XKR6: variants seen among roughly 807,000 people sequenced by gnomAD.
XKR6 encodes the protein XK-related protein 6.
In XKR6, 22 loss-of-function variants were observed where a neutral mutation model predicts 56.7. The ratio of observed to expected loss-of-function variants is 0.39; its 90% confidence interval spans 0.28 to 0.55. XKR6 has a LOEUF of 0.55. XKR6 is among the 20% of genes least tolerant of loss of function. The pLI is 0.66. For missense variants in XKR6, 852 were observed against 889.0 expected, an observed-to-expected ratio of 0.96 and a Z score of 0.53; for synonymous variants, 524 against 387.8, an observed-to-expected ratio of 1.35 and a Z score of -4.13.
intron 1 of XKR6, among the ~76,000 whole-genome samples, chr8:10,961,357 G>T (rs981324635): frequency 1.3e-5 from 2 of 152,168 alleles, no homozygotes; most frequent in African/African-American, 4.8e-5. Context: ...GAGTGACAGT[G>T]GGAGCTGTGA....
At chr8:11,002,157 A>T (rs1004121026) in intron 1 of XKR6, among the ~76,000 whole-genome samples, 4 of 151,542 alleles carry the variant, frequency 2.6e-5, no homozygotes, top group African/African-American at 9.7e-5. Context: ...TGTCAAAGGC[A>T]TCACCCTGCT....
chr8:10,976,199 C>A (rs548978498), intron 1 of XKR6, among the ~76,000 whole-genome samples: 7 of 152,094 alleles, frequency 4.6e-5, no homozygotes, highest in South Asian at 4.2e-4. Flanking sequence ...AGTGCCCCCC[C>A]CCAACCTCGC....
At chr8:11,145,866 T>G (rs1384158231) in intron 1 of XKR6, among the ~76,000 whole-genome samples, 1 of 151,994 alleles carries the variant, frequency 6.6e-6, no homozygotes, top group Non-Finnish European at 1.5e-5. Context: ...CAGATAAAAA[T>G]GCAAACGACC....
intron 1 of XKR6, among the ~76,000 whole-genome samples, chr8:11,159,201 C>A (rs1360950032): frequency 6.6e-6 from 1 of 152,180 alleles, no homozygotes; most frequent in Non-Finnish European, 1.5e-5. Context: ...GAGGGGTACC[C>A]AATTCTTTGG....
intron 1 of XKR6, among the ~76,000 whole-genome samples, chr8:11,157,134 A>C (rs1036673535): frequency 5.3e-5 from 8 of 152,198 alleles, no homozygotes; most frequent in African/African-American, 1.9e-4. Context: ...AACATCCTAC[A>C]AAATGCCTGA....
At chr8:11,024,204 G>C (rs1335193103) in intron 1 of XKR6, among the ~76,000 whole-genome samples, 1 of 136,810 alleles carries the variant, frequency 7.3e-6, no homozygotes, top group African/African-American at 2.7e-5. Flanking sequence ...CCTGTTAGGA[G>C]GTGTGTGTGT....
At chr8:11,117,162 A>G (rs1356742278) in intron 1 of XKR6, among the ~76,000 whole-genome samples, 1 of 152,210 alleles carries the variant, frequency 6.6e-6, no homozygotes, top group Admixed American at 6.5e-5. Flanking sequence ...CTGTTTCCTT[A>G]GTTTAGACTG....
chr8:11,101,141 C>T (rs1005588936), intron 1 of XKR6, among the ~76,000 whole-genome samples: 1 of 152,218 alleles, frequency 6.6e-6, no homozygotes, highest in Non-Finnish European at 1.5e-5. Flanking sequence ...ACCTCAGCTA[C>T]AGACATCCCA....
At position 11,201,234 on chromosome 8, in the gene XKR6, C is replaced by G; in HGVS notation, c.106G>C (p.Gly36Arg). 1 of 1,553,186 alleles carries G rather than the reference C, an allele frequency of 6.4e-7. No homozygotes were observed. Among genetic ancestry groups the G allele is most frequent in the Non-Finnish European group, 8.6e-7 (1 of 1,158,412 alleles). ...TCGCCGCCGCCGCCGCAGCCGCCTCCCCCGGGCTCCCCGTCCTCCTCGCCG... is the reference window on the plus strand; with the variant it reads ...TCGCCGCCGCCGCCGCAGCCGCCTCGCCCGGGCTCCCCGTCCTCCTCGCCG... ...SGGEEDGEPGGGGCGGGGDGS... is the reference protein window; with the variant it reads ...SGGEEDGEPGRGGCGGGGDGS... The change falls in exon 1 of 3, where the codon GGA (glycine) becomes CGA (arginine). Residue 36 changes from glycine to arginine, a missense_variant. Gly to Arg is a moderately radical substitution (Grantham distance 125, BLOSUM62 -2). Transcript: ENST00000416569.
chr8:10,955,422 C>A (rs1801854789), intron 1 of XKR6, among the ~76,000 whole-genome samples: 1 of 152,058 alleles, frequency 6.6e-6, no homozygotes, highest in African/African-American at 2.4e-5. Context: ...CTCTTGTGAT[C>A]CCCCCATGTA....
At chr8:10,910,036 C>G (rs1204143862) in intron 2 of XKR6, among the ~76,000 whole-genome samples, 1 of 152,010 alleles carries the variant, frequency 6.6e-6, no homozygotes, top group Non-Finnish European at 1.5e-5. Flanking sequence ...ATTTAACTAA[C>G]AGCAATGCAA....
rs186201967 is a variant in XKR6 at position 11,115,383 on chromosome 8, T to A, written c.764+85193A>T. 2.6e-5 allele frequency among the ~76,000 whole-genome samples: 4 copies of A among 152,354 alleles called. No homozygotes were observed. The East Asian group carries it at 7.7e-4, about 29-fold the overall frequency. ...AACCATTTATTTTAAGAGTAATTCA[T>A]TCAACTGAAGCCATAATTTAAAATT... On this transcript the variant is annotated intron_variant, in intron 1 of 2. Coordinates refer to ENST00000416569, the MANE Select transcript of XKR6 (RefSeq NM_173683.4).
At chr8:10,993,741 G>C (rs1448894822) in intron 1 of XKR6, among the ~76,000 whole-genome samples, 2 of 152,136 alleles carry the variant, frequency 1.3e-5, no homozygotes, top group Non-Finnish European at 2.9e-5. Flanking sequence ...ACCCACTCAT[G>C]CCACTCCTGC....
intron 2 of XKR6, among the ~76,000 whole-genome samples, chr8:10,907,814 G>A (rs905519178): frequency 1.3e-4 from 20 of 152,172 alleles, no homozygotes; most frequent in Non-Finnish European, 2.1e-4. Context: ...CTACACAGCC[G>A]AGGACCCACC....
intron 1 of XKR6, among the ~76,000 whole-genome samples, chr8:11,158,736 T>C (rs909936077): frequency 1.3e-5 from 2 of 152,216 alleles, no homozygotes; most frequent in Non-Finnish European, 2.9e-5. Context: ...GGCAGGCTTC[T>C]AAATGCAAAG....
At position 10,928,011 on chromosome 8, in the gene XKR6, A is replaced by G. The variant is rs114613408; in HGVS notation, c.765-3181T>C. ...TCAATGCAAATGCTCATCCTTTCCAACTGCTCCCGGCTCGGTCCCTCCTCT... is the reference window on the plus strand; with the variant it reads ...TCAATGCAAATGCTCATCCTTTCCAGCTGCTCCCGGCTCGGTCCCTCCTCT... On this transcript the variant is annotated intron_variant, in intron 1 of 2. Transcript: ENST00000416569. Among the ~76,000 whole-genome samples the G allele has an allele frequency of 6.4e-3, 968 of 152,130 alleles. 13 individuals are homozygous for G. The highest frequency in any genetic ancestry group is 0.022 in the African/African-American group (929 of 41,482).
At chr8:11,147,520 G>C (rs1158332911) in intron 1 of XKR6, among the ~76,000 whole-genome samples, 1 of 152,026 alleles carries the variant, frequency 6.6e-6, no homozygotes, top group African/African-American at 2.4e-5. Flanking sequence ...GCTGGGTGTG[G>C]TGGCACGTGC....
At chr8:11,157,657 A>G (rs1000920508) in intron 1 of XKR6, among the ~76,000 whole-genome samples, 13 of 152,240 alleles carry the variant, frequency 8.5e-5, no homozygotes, top group African/African-American at 3.1e-4. Context: ...CTAGGGCTAT[A>G]GGTGCATGCC....
At chr8:11,069,533 G>C (rs1460597754) in intron 1 of XKR6, among the ~76,000 whole-genome samples, 4 of 152,136 alleles carry the variant, frequency 2.6e-5, no homozygotes, top group East Asian at 1.9e-4. Context: ...TGACCCTCAT[G>C]ATGGGTCATG....
Sources: gnomAD v4.1 joint callset for allele counts (sites outside exome capture counted in the v4.1 genomes callset) on GRCh38, gnomAD v4.1.1 for gene constraint, MANE v1.5 for transcripts, NCBI Gene and HGNC (gene_info 2026-07-23, HGNC 2026-07-21) for gene names.